Variants in PALS1 observed in about 807,000 individuals in gnomAD.
PALS1 encodes the protein protein associated with LIN7 1, MAGUK p55 family member.
A neutral mutation model predicts 78.9 loss-of-function variants in PALS1; 31 were observed. The ratio of observed to expected loss-of-function variants is 0.39; its 90% confidence interval spans 0.30 to 0.53. The LOEUF is 0.53. PALS1 is among the 20% of genes least tolerant of loss of function. The pLI is 0.67. For synonymous variants in PALS1, 276 were observed against 270.9 expected, an observed-to-expected ratio of 1.02 and a Z score of -0.18; for missense variants, 704 against 826.5, an observed-to-expected ratio of 0.85 and a Z score of 1.82.
At chr14:67,332,655 T>C (rs1178059790) in intron 14 of PALS1, 125 bp from the exon 15 acceptor site, 10 of 943,874 alleles carry the variant, frequency 1.1e-5, no homozygotes, top group Admixed American at 3.0e-5. Context: ...AAGGAGCTCC[T>C]GAGGTTGGGA....
intron 11 of PALS1, among the ~76,000 whole-genome samples, chr14:67,318,824 G>C (rs557579285): frequency 6.2e-4 from 94 of 152,188 alleles, no homozygotes; most frequent in African/African-American, 2.1e-3. Context: ...TTGGGAGGCC[G>C]AGGCAGGCGG....
At chr14:67,267,296 T>C (rs112289453) in intron 1 of PALS1, among the ~76,000 whole-genome samples, 1,605 of 152,248 alleles carry the variant, frequency 0.011, 27 homozygotes, top group African/African-American at 0.036. Flanking sequence ...TTCACTCTTG[T>C]CGCCCAGGCT....
At position 67,319,984 on chromosome 14, in the gene PALS1, G is replaced by T. The variant is rs2085237942; in HGVS notation, c.1370-246G>T. On this transcript the variant is annotated intron_variant, in intron 11 of 14. Transcript: ENST00000261681. ...ACTGCAAATTAGCTGTTTAATGTAA[G>T]AATCAGTATAATTATATTGTATTAG... 2.0e-5 allele frequency among the ~76,000 whole-genome samples: 3 copies of T among 152,238 alleles called. No individual in the cohort carries two copies. In the South Asian group the frequency reaches 6.2e-4, roughly 32 times the overall value.
chr14:67,281,509 A>AT (rs2084608885), intron 3 of PALS1, among the ~76,000 whole-genome samples: 1 of 151,920 alleles, frequency 6.6e-6, no homozygotes, highest in South Asian at 2.1e-4. Flanking sequence ...CCACTCTATT[A>AT]TTATTTATTT....
chr14:67,305,824 G>A (rs150866756), intron 8 of PALS1, among the ~76,000 whole-genome samples: 1 of 152,216 alleles, frequency 6.6e-6, no homozygotes, highest in East Asian at 1.9e-4. Flanking sequence ...TATTGATTAA[G>A]AATAAAAGGC....
At chr14:67,263,833 T>C (rs2140522022) in intron 1 of PALS1, among the ~76,000 whole-genome samples, 1 of 145,258 alleles carries the variant, frequency 6.9e-6, no homozygotes, top group East Asian at 2.3e-4. Context: ...CATCACTGCT[T>C]ACTCAACCAT....
intron 2 of PALS1, among the ~76,000 whole-genome samples, chr14:67,272,638 T>C (rs2084425763): frequency 6.6e-6 from 1 of 152,166 alleles, no homozygotes. Context: ...AGATACTAAG[T>C]TCTACTGATT....
Position 67,292,569 on chromosome 14 carries a change from G to A in PALS1, c.426G>A (p.Gln142=), listed in dbSNP as rs1301539646. ...TCCAACATACTTTGGTAGATTCTCAGAGCCAGGAGGATATTTCACTGCTTT... is the reference window on the plus strand; with the variant it reads ...TCCAACATACTTTGGTAGATTCTCAAAGCCAGGAGGATATTTCACTGCTTT... ...KHIQHTLVDS[Q]SQEDISLLLQ... The change falls in exon 4 of 15, where the codon CAG becomes CAA. Residue 142 remains glutamine (Q), a synonymous_variant. Coordinates refer to ENST00000261681, the MANE Select transcript of PALS1 (RefSeq NM_022474.4). 1 of 1,613,572 alleles carries A rather than the reference G, an allele frequency of 6.2e-7. No individual in the cohort carries two copies. Among genetic ancestry groups the A allele is most frequent in the Non-Finnish European group, 8.5e-7 (1 of 1,179,634 alleles).
At position 67,308,546 on chromosome 14, in the gene PALS1, CT is replaced by C. The variant is rs375911648; in HGVS notation, c.1042-3965del. Among the ~76,000 whole-genome samples, 537 of 131,784 alleles carry C rather than the reference CT, an allele frequency of 4.1e-3. 3 individuals are homozygous for C. The highest frequency in any genetic ancestry group is 0.012 in the African/African-American group (407 of 35,208). The allele number at this position is 131,784 out of a possible 152,430, so 86.5% of individuals were successfully genotyped here. On this transcript the variant is annotated intron_variant, in intron 8 of 14. Transcript: ENST00000261681. ...ACTCTCCAAATATTTTTTTCTTTTTCTTTTTTTTTTTTTTTTGGAGACAGAG... is the reference window on the plus strand; with the variant it reads ...ACTCTCCAAATATTTTTTTCTTTTTCTTTTTTTTTTTTTTTGGAGACAGAG...
intron 11 of PALS1, among the ~76,000 whole-genome samples, chr14:67,319,301 C>G (rs1156574626): frequency 1.3e-5 from 2 of 152,106 alleles, no homozygotes; most frequent in African/African-American, 4.8e-5. Flanking sequence ...GAGGACTTGG[C>G]AGGCTACTAG....
intron 2 of PALS1, among the ~76,000 whole-genome samples, chr14:67,272,783 C>T (rs879724196): frequency 4.6e-5 from 7 of 152,112 alleles, no homozygotes; most frequent in Admixed American, 1.3e-4. Flanking sequence ...CTCAGCTTCC[C>T]GAGTAGCTGG....
chr14:67,287,617 G>T (rs150777001), intron 3 of PALS1, among the ~76,000 whole-genome samples: 1 of 152,166 alleles, frequency 6.6e-6, no homozygotes, highest in Non-Finnish European at 1.5e-5. Context: ...GTATGAATTG[G>T]TACAAATCCA....
chr14:67,295,560 C>A (rs191317210), intron 4 of PALS1, among the ~76,000 whole-genome samples: 1 of 150,868 alleles, frequency 6.6e-6, no homozygotes, highest in Non-Finnish European at 1.5e-5. Context: ...TGACAACAGT[C>A]ACTTCACAAA....
chr14:67,264,259 G>A (rs1000583432), intron 1 of PALS1, among the ~76,000 whole-genome samples: 3 of 152,128 alleles, frequency 2.0e-5, no homozygotes, highest in Non-Finnish European at 2.9e-5. Context: ...TAAATTTGTA[G>A]AATTGTTTAA....
At chr14:67,284,974 C>CA (rs1343468735) in intron 3 of PALS1, among the ~76,000 whole-genome samples, 11 of 151,764 alleles carry the variant, frequency 7.2e-5, no homozygotes, top group Non-Finnish European at 1.2e-4. Flanking sequence ...TGGTCTTGAC[C>CA]TCCTGGCCTC....
In PALS1 at chr14:67,335,644, A is replaced by G. The variant is rs994368097; in HGVS notation, c.*2688A>G. ...GGAATGATTTGAATGTAATTTTGTG[A>G]ATGTGTGGAAAATATAAAGCAGGGA... On this transcript the variant is annotated 3_prime_UTR_variant, in exon 15 of 15. Coordinates refer to ENST00000261681, the MANE Select transcript of PALS1 (RefSeq NM_022474.4). 6.6e-5 allele frequency: 10 copies of G among 152,666 alleles called. No homozygotes were observed. The highest frequency in any genetic ancestry group is 2.4e-4 in the African/African-American group (10 of 41,464). The allele number at this position is 152,666 out of a possible 1,614,324, so 9.5% of individuals were successfully genotyped here.
intron 3 of PALS1, among the ~76,000 whole-genome samples, chr14:67,291,445 C>T (rs1402624963): frequency 2.6e-5 from 4 of 151,940 alleles, no homozygotes; most frequent in African/African-American, 4.8e-5. Context: ...CCACTGTTCC[C>T]GGCTAATTTT....
intron 13 of PALS1, among the ~76,000 whole-genome samples, chr14:67,322,220 C>T (rs1297954471): frequency 2.0e-5 from 3 of 152,078 alleles, no homozygotes; most frequent in Non-Finnish European, 2.9e-5. Flanking sequence ...TGGTGGCATG[C>T]ACCTGTGGTC....
chr14:67,294,181 A>G (rs2084811635), intron 4 of PALS1, among the ~76,000 whole-genome samples: 1 of 152,126 alleles, frequency 6.6e-6, no homozygotes, highest in South Asian at 2.1e-4. Flanking sequence ...TATAAAGGAG[A>G]TTTTCTGAAA....
Sources: gnomAD v4.1 joint callset for allele counts (sites outside exome capture counted in the v4.1 genomes callset) on GRCh38, gnomAD v4.1.1 for gene constraint, MANE v1.5 for transcripts, NCBI Gene and HGNC (gene_info 2026-07-23, HGNC 2026-07-21) for gene names.